The following DNAJB6 variants were observed in gnomAD, a reference collection of about 807,000 sequenced individuals.
DNAJB6 encodes dnaJ homolog subfamily B member 6.
DNAJB6 carries 16 observed loss-of-function variants against 42.7 expected under a neutral mutation model. That is an observed-to-expected ratio of 0.37 (90% CI 0.25 to 0.57). DNAJB6 has a LOEUF of 0.57. DNAJB6 is among the 20% of genes least tolerant of loss of function. The probability of loss-of-function intolerance (pLI) is 0.74; values close to 1 mark genes in which losing one functional copy is unlikely to be tolerated. For synonymous variants in DNAJB6, 170 were observed against 163.5 expected, an observed-to-expected ratio of 1.04 and a Z score of -0.30; for missense variants, 347 against 416.8, an observed-to-expected ratio of 0.83 and a Z score of 1.46.
chr7:157,405,540 CAG>C (rs1195740943), intron 8 of DNAJB6, among the ~76,000 whole-genome samples: 1 of 152,184 alleles, frequency 6.6e-6, no homozygotes, highest in Non-Finnish European at 1.5e-5. Flanking sequence ...TGGGGATCCA[CAG>C]AGAGTTCACG....
At chr7:157,379,280 A>C (rs1800629567) in intron 5 of DNAJB6, 2 of 152,346 alleles carry the variant, frequency 1.3e-5, no homozygotes, top group South Asian at 4.1e-4. Context: ...GTAAAAGCTC[A>C]GTGCCTTGTG....
chr7:157,368,758 T>C (rs185907551), intron 5 of DNAJB6: 180 of 159,364 alleles, frequency 1.1e-3, no homozygotes, highest in African/African-American at 3.4e-3. Context: ...TTTTGACTTA[T>C]TGAAAGGGAA....
chr7:157,357,276 GTCCTTCCT>G (rs1353995277), intron 1 of DNAJB6, among the ~76,000 whole-genome samples: 9 of 29,834 alleles, frequency 3.0e-4, no homozygotes, highest in East Asian at 4.6e-3. Context: ...CCTTCCTTCC[GTCCTTCCT>G]TCCGTCCTTC....
intron 1 of DNAJB6, among the ~76,000 whole-genome samples, chr7:157,344,995 ATTTAT>A (rs1035636605): frequency 1.3e-5 from 2 of 151,692 alleles, no homozygotes; most frequent in African/African-American, 4.8e-5. Flanking sequence ...GTTTATTTTT[ATTTAT>A]TTTATTTTTT....
In DNAJB6 at chr7:157,396,516, C is replaced by T. The variant is rs1356709754; in HGVS notation, c.691+10905C>T. ...CCCCACCCAGCACCATGCTGTCAGC[C>T]GTGGGGACAGGCAGCCCAAGGCTGC... is the stretch of plus-strand genomic sequence containing the variant. On this transcript the variant is annotated intron_variant, in intron 8 of 9. Coordinates refer to ENST00000262177, the MANE Select transcript of DNAJB6 (RefSeq NM_058246.4). Among the ~76,000 whole-genome samples the T allele has an allele frequency of 2.6e-5, 4 of 152,302 alleles. No homozygotes were observed. The East Asian group carries it at 5.8e-4, about 22-fold the overall frequency.
At chr7:157,361,600 A>G (rs1426416587) in intron 2 of DNAJB6, among the ~76,000 whole-genome samples, 1 of 152,356 alleles carries the variant, frequency 6.6e-6, no homozygotes, top group East Asian at 1.9e-4. Flanking sequence ...CTTTACAGTA[A>G]TAACTTGCCT....
chr7:157,382,368 T>C lies in DNAJB6; in HGVS notation c.469T>C (p.Phe157Leu), dbSNP rs1800829769. 1.9e-6 allele frequency: 3 copies of C among 1,609,782 alleles called. No homozygotes were observed. The highest frequency in any genetic ancestry group is 2.5e-6 in the Non-Finnish European group (3 of 1,179,424). The change falls in exon 6 of 10, where the codon TTT becomes CTT. Residue 157 changes from phenylalanine (F) to leucine (L), a missense_variant. By Grantham distance (22) the Phe-to-Leu change is conservative (BLOSUM62 0). Around this residue, in one of 3 missense-constraint regions of DNAJB6, gnomAD observed 264 missense variants for 288.0 expected, o/e 0.92. Transcript: ENST00000262177. ...GTCTTTTGGAAGTGGATTTTCTTCTTTTGATACAGGTATTAAATCCCTAGG... is the reference window on the plus strand; with the variant it reads ...GTCTTTTGGAAGTGGATTTTCTTCTCTTGATACAGGTATTAAATCCCTAGG... ...FPSFGSGFSS[F>L]DTGFTSFGSL...
rs199931317 is a variant in DNAJB6 at position 157,364,203 on chromosome 7, C to CA, written c.175+939dup. Among the ~76,000 whole-genome samples, 131 of 151,758 alleles carry CA rather than the reference C, an allele frequency of 8.6e-4. No homozygotes were observed. In the East Asian group the frequency reaches 0.025, roughly 29 times the overall value. On this transcript the variant is annotated intron_variant, in intron 3 of 9. Transcript: ENST00000262177. Reference sequence around the variant, plus strand: ...CTGGGCGACAGTGCGAGACTGTCTCCAAAAAACAAAACAAAACCAAACCAA... The same window carrying CA: ...CTGGGCGACAGTGCGAGACTGTCTCCAAAAAAACAAAACAAAACCAAACCAA...
intron 1 of DNAJB6, among the ~76,000 whole-genome samples, chr7:157,342,191 A>G (rs956133621): frequency 2.6e-5 from 4 of 151,610 alleles, no homozygotes; most frequent in Non-Finnish European, 5.9e-5. Flanking sequence ...TTTTTGAGAC[A>G]GGGTCTCACT....
intron 1 of DNAJB6, among the ~76,000 whole-genome samples, chr7:157,345,322 T>A (rs935295163): frequency 2.0e-5 from 3 of 152,092 alleles, no homozygotes; most frequent in African/African-American, 7.2e-5. Context: ...TATATTTTGT[T>A]TTTTTCTGAG....
chr7:157,374,618 C>T (rs1368371273), intron 5 of DNAJB6, among the ~76,000 whole-genome samples: 6 of 152,082 alleles, frequency 3.9e-5, no homozygotes, highest in Non-Finnish European at 4.4e-5. Flanking sequence ...TAGTGATCTG[C>T]GATTCTTTTG....
At chr7:157,368,089 G>C (rs944435704) in intron 5 of DNAJB6, among the ~76,000 whole-genome samples, 1 of 152,174 alleles carries the variant, frequency 6.6e-6, no homozygotes, top group Non-Finnish European at 1.5e-5. Context: ...ACTCCAGCTT[G>C]GGTGACAGAG....
chr7:157,400,784 T>C (rs1342383420), intron 8 of DNAJB6, among the ~76,000 whole-genome samples: 2 of 151,966 alleles, frequency 1.3e-5, no homozygotes, highest in Non-Finnish European at 2.9e-5. Context: ...CGTGAGTGGG[T>C]CATGGAAGGA....
chr7:157,386,378 A>G, intron 8 of DNAJB6: 2 of 933,378 alleles, frequency 2.1e-6, no homozygotes, highest in Non-Finnish European at 2.6e-6. Flanking sequence ...TCACTTTAAT[A>G]GCGTTTCGTG....
intron 2 of DNAJB6, among the ~76,000 whole-genome samples, chr7:157,359,698 A>C (rs1364046679): frequency 6.6e-6 from 1 of 152,198 alleles, no homozygotes; most frequent in East Asian, 1.9e-4. Context: ...ACATGCCTGT[A>C]GTCCCAACTG....
At chr7:157,400,370 G>A (rs539308619) in intron 8 of DNAJB6, among the ~76,000 whole-genome samples, 2 of 152,286 alleles carry the variant, frequency 1.3e-5, no homozygotes, top group African/African-American at 4.8e-5. Context: ...GGACACGCTC[G>A]TGTGTGGTGT....
chr7:157,356,466 C>T (rs898864226), intron 1 of DNAJB6, among the ~76,000 whole-genome samples: 4 of 152,124 alleles, frequency 2.6e-5, no homozygotes, highest in African/African-American at 9.7e-5. Flanking sequence ...AGAGACTGGT[C>T]GGACCTGTGT....
chr7:157,341,328 C>G (rs544730524), intron 1 of DNAJB6, among the ~76,000 whole-genome samples: 2 of 151,680 alleles, frequency 1.3e-5, no homozygotes, highest in African/African-American at 4.8e-5. Context: ...GTTTCACCAT[C>G]TTGGCCAGGC....
At chr7:157,371,157 C>T (rs929850263) in intron 5 of DNAJB6, among the ~76,000 whole-genome samples, 3 of 152,212 alleles carry the variant, frequency 2.0e-5, no homozygotes, top group African/African-American at 7.2e-5. Flanking sequence ...AAACCATCCC[C>T]CTACCCCAAC....
Sources: allele counts gnomAD v4.1 joint callset (sites outside exome capture counted in the v4.1 genomes callset), GRCh38; gene constraint gnomAD v4.1.1; regional missense constraint gnomAD v4.1.1; transcripts MANE v1.5; gene names NCBI Gene and HGNC (gene_info 2026-07-23, HGNC 2026-07-21).